Variants in NBPF15 observed in about 807,000 individuals in gnomAD.
The protein encoded by NBPF15 is NBPF member 15, also known as NBPF family member NBPF15.
NBPF15 carries 74 observed loss-of-function variants against 62.2 expected under a neutral mutation model. That is an observed-to-expected ratio of 1.19 (90% CI 0.99 to 1.44). NBPF15 has a LOEUF of 1.44. Among genes scored for constraint, NBPF15 ranks in the 40% most tolerant of loss-of-function variants. The probability of loss-of-function intolerance (pLI) is 0.00; values close to 1 mark genes in which losing one functional copy is unlikely to be tolerated. For synonymous variants in NBPF15, 244 were observed against 209.7 expected, an observed-to-expected ratio of 1.16 and a Z score of -1.41; for missense variants, 790 against 550.0, an observed-to-expected ratio of 1.44 and a Z score of -4.36.
chr1:144,433,323 G>A (rs1227158159), intron 13 of NBPF15, among the ~76,000 whole-genome samples: 6 of 152,018 alleles, frequency 3.9e-5, no homozygotes, highest in Admixed American at 2.6e-4. Context: ...GAAAATTATA[G>A]CACTAAATGC....
In NBPF15 at chr1:144,427,947, GC is replaced by G. The variant is rs1671022924; in HGVS notation, c.1083del (p.Leu361PhefsTer18). On this transcript the variant is annotated frameshift_variant, in exon 16 of 22. Transcript: ENST00000581897. LOFTEE classifies it high-confidence loss of function. ...GAATAACATCTATCCAGTGAGTCCT[GC>G]AAGACTTCAGGCTCTTTCTCATCCA... is the stretch of plus-strand genomic sequence containing the variant. The part of the protein sequence containing the change: ...ELLDEKEPEV[L>X]QDSLDRCYST... 1 of 779,590 alleles carries G rather than the reference GC, an allele frequency of 1.3e-6. No homozygotes were observed. The highest frequency in any genetic ancestry group is 1.4e-5 in the South Asian group (1 of 73,370). The allele number at this position is 779,590 out of a possible 1,614,324, so 48.3% of individuals were successfully genotyped here.
intron 14 of NBPF15, among the ~76,000 whole-genome samples, 187 bp from the exon 15 acceptor site, chr1:144,428,844 G>A (rs1672003450): frequency 6.6e-6 from 1 of 151,910 alleles, no homozygotes; most frequent in Admixed American, 6.6e-5. Flanking sequence ...TCTTTCATGA[G>A]CCTTGGGCAA....
At chr1:144,457,872 T>C (rs1553547455) in intron 3 of NBPF15, among the ~76,000 whole-genome samples, 1 of 151,986 alleles carries the variant, frequency 6.6e-6, no homozygotes, top group Non-Finnish European at 1.5e-5. Context: ...GGAGGATCAT[T>C]TGAGCCCAGG....
Position 144,422,898 on chromosome 1 carries a change from T to C in NBPF15, c.*115A>G, listed in dbSNP as rs76644893. On this transcript the variant is annotated 3_prime_UTR_variant, in exon 22 of 22. Coordinates refer to ENST00000581897, the MANE Select transcript of NBPF15 (RefSeq NM_001385408.1). ...TTTGAGAATAGGAATAGAGCCATGC[T>C]CACTGACCCATCCTATGTCTGGGCT... 382 of 1,607,114 alleles carry C rather than the reference T, an allele frequency of 2.4e-4. 5 individuals carry two copies. In the South Asian group the frequency reaches 3.3e-3, roughly 14 times the overall value.
At chr1:144,428,449 C>T (rs1671607034) in intron 15 of NBPF15, among the ~76,000 whole-genome samples, 157 bp downstream of exon 15, 2 of 152,138 alleles carry the variant, frequency 1.3e-5, no homozygotes, top group Non-Finnish European at 2.9e-5. Context: ...GAAACCTAAA[C>T]ATTTACTCTA....
At chr1:144,457,424 C>A (rs1425334317) in intron 3 of NBPF15, among the ~76,000 whole-genome samples, 3 of 152,052 alleles carry the variant, frequency 2.0e-5, no homozygotes, top group South Asian at 2.1e-4. Flanking sequence ...GCAACACATA[C>A]AAAGGTTTAT....
intron 6 of NBPF15, among the ~76,000 whole-genome samples, chr1:144,440,927 C>G (rs1682473366): frequency 6.6e-6 from 1 of 151,810 alleles, no homozygotes; most frequent in Admixed American, 6.6e-5. Flanking sequence ...CTCGGCCTCC[C>G]AAAGTGCTGG....
chr1:144,443,570 T>C (rs1478063656), intron 6 of NBPF15, among the ~76,000 whole-genome samples: 1 of 151,920 alleles, frequency 6.6e-6, no homozygotes, highest in African/African-American at 2.4e-5. Context: ...GAACATGATA[T>C]ATATTTATTT....
At chr1:144,438,635 G>A (rs1174977946) in intron 8 of NBPF15, among the ~76,000 whole-genome samples, 15 of 152,154 alleles carry the variant, frequency 9.9e-5, no homozygotes, top group African/African-American at 3.6e-4. Flanking sequence ...TGTTAATTTA[G>A]AAACAGCAGA....
In NBPF15 at chr1:144,456,530, T is replaced by A. The variant is rs1571168961; in HGVS notation, c.-432+7A>T. On this transcript the variant is annotated splice_region_variant and intron_variant, in intron 4 of 21. Coordinates refer to ENST00000581897, the MANE Select transcript of NBPF15 (RefSeq NM_001385408.1). ...CCATCGAGCTGGCAATGCCTCAGGG[T>A]TTTTACCTGTGGGATCTGGCAGCTC... 2.9e-6 allele frequency: 4 copies of A among 1,373,570 alleles called. No individual in the cohort carries two copies. The East Asian group carries it at 8.9e-5, about 31-fold the overall frequency. The allele number at this position is 1,373,570 out of a possible 1,614,324, so 85.1% of individuals were successfully genotyped here.
chr1:144,451,050 C>A (rs1690777378), intron 4 of NBPF15, among the ~76,000 whole-genome samples, 180 bp from the exon 5 acceptor site: 1 of 151,996 alleles, frequency 6.6e-6, no homozygotes, highest in Non-Finnish European at 1.5e-5. Flanking sequence ...CCAGCACTGG[C>A]CTCTGAGTTC....
chr1:144,425,713 A>C (rs1401343482), intron 18 of NBPF15, 145 bp from the exon 19 acceptor site: 1 of 400,670 alleles, frequency 2.5e-6, no homozygotes, highest in Non-Finnish European at 4.3e-6. Context: ...GGAGGCCTGA[A>C]AGCTGGTCAT....
At position 144,435,223 on chromosome 1, in the gene NBPF15, G is replaced by A; in HGVS notation, c.660C>T (p.Ser220=). The A allele has an allele frequency of 6.2e-7, 1 of 1,612,954 alleles. No homozygotes were observed. The highest frequency in any genetic ancestry group is 8.5e-7 in the Non-Finnish European group (1 of 1,179,646). ...TCSNSHGPYD[S]NQPHKKTKIT... ...TTTTGGTTTTCTTATGTGGCTGGTT[G>A]GAGTCATAAGGGCCATGGCTATTTG... The change falls in exon 12 of 22, where the codon TCC becomes TCT. Residue 220 remains serine, a synonymous_variant. Coordinates refer to ENST00000581897, the MANE Select transcript of NBPF15 (RefSeq NM_001385408.1).
At chr1:144,454,951 G>T (rs868937179) in intron 4 of NBPF15, among the ~76,000 whole-genome samples, 2 of 151,370 alleles carry the variant, frequency 1.3e-5, no homozygotes, top group Admixed American at 6.6e-5. Flanking sequence ...AGAGGTTTTG[G>T]TAAGTAATGT....
At chr1:144,455,780 G>A (rs1553546790) in intron 4 of NBPF15, among the ~76,000 whole-genome samples, 2 of 151,838 alleles carry the variant, frequency 1.3e-5, no homozygotes, top group Non-Finnish European at 2.9e-5. Flanking sequence ...CCCTCTCAAT[G>A]CCTGCAGTGG....
At chr1:144,445,947 C>A (rs1687223355) in intron 6 of NBPF15, among the ~76,000 whole-genome samples, 1 of 147,210 alleles carries the variant, frequency 6.8e-6, no homozygotes, top group Non-Finnish European at 1.5e-5. Flanking sequence ...ACCTCTGCCT[C>A]CCAGGTTCAA....
intron 14 of NBPF15, among the ~76,000 whole-genome samples, chr1:144,429,401 G>A (rs1553539896): frequency 6.6e-6 from 1 of 151,296 alleles, no homozygotes; most frequent in South Asian, 2.1e-4. Context: ...ACAGCTCCTG[G>A]GCATGTGCTG....
At chr1:144,455,406 G>A (rs1693847300) in intron 4 of NBPF15, among the ~76,000 whole-genome samples, 1 of 152,040 alleles carries the variant, frequency 6.6e-6, no homozygotes, top group African/African-American at 2.4e-5. Context: ...GGAGACAGAT[G>A]CACTACTGTA....
At chr1:144,433,062 A>G (rs1159053997) in intron 13 of NBPF15, among the ~76,000 whole-genome samples, 1 of 151,912 alleles carries the variant, frequency 6.6e-6, no homozygotes, top group African/African-American at 2.4e-5. Flanking sequence ...GAGGTAAAGC[A>G]CTCGTCAGCA....
Sources: gnomAD v4.1 joint callset for allele counts (sites outside exome capture counted in the v4.1 genomes callset) on GRCh38, gnomAD v4.1.1 for gene constraint, MANE v1.5 for transcripts, NCBI Gene and HGNC (gene_info 2026-07-23, HGNC 2026-07-21) for gene names.